The following ZFYVE26 variants were observed in gnomAD, a reference collection of about 807,000 sequenced individuals.
The protein encoded by ZFYVE26 is zinc finger FYVE-type containing 26.
A neutral mutation model predicts 276.5 loss-of-function variants in ZFYVE26; 181 were observed. The observed-to-expected ratio is 0.65, with a 90% CI of 0.58 to 0.74. The LOEUF (loss-of-function observed/expected upper bound fraction) is 0.74. ZFYVE26 is among the 30% of genes least tolerant of loss of function. ZFYVE26 has a pLI of 0.00. For synonymous variants in ZFYVE26, 1,129 were observed against 1,203.1 expected, an observed-to-expected ratio of 0.94 and a Z score of 1.27; for missense variants, 2,821 against 3,097.9, an observed-to-expected ratio of 0.91 and a Z score of 2.12.
intron 34 of ZFYVE26, chr14:67,761,992 C>A (rs1260747100): frequency 1.7e-5 from 10 of 603,622 alleles, no homozygotes; most frequent in Non-Finnish European, 2.6e-5. Context: ...AAATTGTCTC[C>A]TTTTTTTAAA....
chr14:67,765,947 A>G (rs2039044863), intron 32 of ZFYVE26, among the ~76,000 whole-genome samples: 1 of 152,180 alleles, frequency 6.6e-6, no homozygotes. Context: ...TGACAAATCA[A>G]CTAATGAAAG....
At chr14:67,808,234 C>T (rs2040226213) in intron 4 of ZFYVE26, among the ~76,000 whole-genome samples, 1 of 152,126 alleles carries the variant, frequency 6.6e-6, no homozygotes, top group Admixed American at 6.5e-5. Context: ...TCACTGCCTC[C>T]AAAATGTGTA....
At chr14:67,765,747 A>G (rs1357104214) in intron 32 of ZFYVE26, among the ~76,000 whole-genome samples, 2 of 152,224 alleles carry the variant, frequency 1.3e-5, no homozygotes, top group Admixed American at 1.3e-4. Context: ...GGACACAGGA[A>G]TAGACCAATT....
Position 67,752,398 on chromosome 14 carries a change from G to C in ZFYVE26, c.7317C>G (p.Asp2439Glu), listed in dbSNP as rs147321202. The change falls in exon 40 of 42, where the codon GAC becomes GAG. Residue 2439 changes from aspartate (D) to glutamate (E), a missense_variant. Coordinates refer to ENST00000347230, the MANE Select transcript of ZFYVE26 (RefSeq NM_015346.4). ...VSESGMAAKS[D>E]GDTILLNCLE... is the part of the protein sequence containing the mutation. ...GGCAGTTGAGGAGGATGGTGTCCCC[G>C]TCACTTTTGGCTGCCATGCCTGACT... 2 of 1,612,752 alleles carry C rather than the reference G, an allele frequency of 1.2e-6. No individual in the cohort carries two copies. The highest frequency in any genetic ancestry group is 1.3e-5 in the African/African-American group (1 of 74,908).
At chr14:67,794,331 G>A (rs1051995977) in intron 12 of ZFYVE26, 92 bp from the exon 13 acceptor site, 3 of 1,198,424 alleles carry the variant, frequency 2.5e-6, no homozygotes, top group East Asian at 2.3e-5. Context: ...GATCTGTGTA[G>A]TTAGAGACAG....
intron 11 of ZFYVE26, 43 bp from the exon 12 acceptor site, chr14:67,797,798 C>A (rs1190760958): frequency 6.2e-7 from 1 of 1,610,612 alleles, no homozygotes. Flanking sequence ...GAGTGATCAA[C>A]TTTGATTTGG....
rs1279156296 is a variant in ZFYVE26, at chr14:67,777,574, C to T, written c.4959G>A (p.Leu1653=). The part of the protein sequence containing the change: ...TAVRHREIQA[L]YVGSKILLTL... ...GTATCCTTACCTTGGATCCCACATA[C>T]AGCGCCTGGATTTCACGGTGTCGGA... The change falls in exon 25 of 42, where the codon CTG becomes CTA. Residue 1653 remains leucine (L), a synonymous_variant. Transcript: ENST00000347230. 11 of 1,613,876 alleles carry T rather than the reference C, an allele frequency of 6.8e-6. No individual in the cohort carries two copies. The highest frequency in any genetic ancestry group is 9.3e-6 in the Non-Finnish European group (11 of 1,180,018).
intron 21 of ZFYVE26, 147 bp downstream of exon 21, chr14:67,782,633 C>A: frequency 1.5e-6 from 2 of 1,362,000 alleles, no homozygotes; most frequent in Non-Finnish European, 2.1e-6. Context: ...GTTTCCTAAC[C>A]CCTCTGAGAC....
chr14:67,756,059 T>G lies in ZFYVE26; in HGVS notation c.6675A>C (p.Glu2225Asp). The G allele has an allele frequency of 6.2e-7, 1 of 1,614,220 alleles. No individual in the cohort carries two copies. The highest frequency in any genetic ancestry group is 8.5e-7 in the Non-Finnish European group (1 of 1,180,036). Residue 2225 changes from glutamate to aspartate, a missense_variant, in exon 36 of 42, where the codon GAA becomes GAC. Transcript: ENST00000347230. Reference sequence around the variant, plus strand: ...AGCTCTCCAAGGTTGGATCAATGGATTCTAGCAAGTTCTCCAAAGTGTGTA... The same window carrying G: ...AGCTCTCCAAGGTTGGATCAATGGAGTCTAGCAAGTTCTCCAAAGTGTGTA... ...GKLHTLENLL[E>D]SIDPTLESWG...
At chr14:67,775,555 T>C (rs1481913096) in intron 26 of ZFYVE26, among the ~76,000 whole-genome samples, 1 of 152,190 alleles carries the variant, frequency 6.6e-6, no homozygotes, top group Non-Finnish European at 1.5e-5. Context: ...CAATACCAAA[T>C]GATGGCACTG....
downstream of ZFYVE26, among the ~76,000 whole-genome samples, chr14:67,745,242 A>G (rs2038467686): frequency 6.6e-6 from 1 of 152,240 alleles, no homozygotes; most frequent in East Asian, 1.9e-4. Context: ...TCCTTTGCCC[A>G]CTTTTTGATG....
At chr14:67,809,435 TATTTTG>T (rs2040252983) in intron 3 of ZFYVE26, 146 bp from the exon 4 acceptor site, 1 of 591,592 alleles carries the variant, frequency 1.7e-6, no homozygotes, top group Admixed American at 3.5e-5. Flanking sequence ...TTTTTTTTTT[TATTTTG>T]AGACAGAGTC....
intron 15 of ZFYVE26, among the ~76,000 whole-genome samples, chr14:67,790,096 C>A (rs996100025): frequency 6.6e-6 from 1 of 152,244 alleles, no homozygotes; most frequent in South Asian, 2.1e-4. Context: ...AAGATTCCAA[C>A]TTCAAGAAGT....
chr14:67,761,307 TG>T, intron 35 of ZFYVE26, 58 bp downstream of exon 35: 1 of 1,479,318 alleles, frequency 6.8e-7, no homozygotes, highest in Non-Finnish European at 9.3e-7. Flanking sequence ...TAAGGCTGAG[TG>T]GTCCAAGCCA....
At chr14:67,738,742 T>C (rs528247662) in intron 13 of ZFYVE26, among the ~76,000 whole-genome samples, 1 of 152,280 alleles carries the variant, frequency 6.6e-6, no homozygotes, top group South Asian at 2.1e-4. Flanking sequence ...AAGCAGAATA[T>C]TCTTATATCT....
At chr14:67,794,105 G>A (rs1247606902) in intron 13 of ZFYVE26, 66 bp downstream of exon 13, 1 of 1,522,226 alleles carries the variant, frequency 6.6e-7, no homozygotes, top group Non-Finnish European at 9.1e-7. Flanking sequence ...TTTACACCAT[G>A]GTGTATGGCA....
intron 27 of ZFYVE26, among the ~76,000 whole-genome samples, chr14:67,773,000 A>G (rs1449197621): frequency 6.6e-6 from 1 of 152,174 alleles, no homozygotes; most frequent in African/African-American, 2.4e-5. Context: ...ATTTCACCAA[A>G]TGCCATGCCA....
intron 13 of ZFYVE26, among the ~76,000 whole-genome samples, chr14:67,738,341 ATATACT>A (rs1196440211): frequency 1.4e-5 from 2 of 146,432 alleles, no homozygotes; most frequent in African/African-American, 2.6e-5. Context: ...TTATATACTA[ATATACT>A]TATATATACT....
intron 22 of ZFYVE26, among the ~76,000 whole-genome samples, chr14:67,780,761 T>C (rs1233154443): frequency 1.3e-5 from 2 of 152,182 alleles, no homozygotes; most frequent in African/African-American, 4.8e-5. Context: ...AAAGAAACCT[T>C]TTTTCACCTG....
Sources: gnomAD v4.1 joint callset for allele counts (sites outside exome capture counted in the v4.1 genomes callset) on GRCh38, gnomAD v4.1.1 for gene constraint, MANE v1.5 for transcripts, NCBI Gene and HGNC (gene_info 2026-07-23, HGNC 2026-07-21) for gene names.